DOCK3: variants seen among roughly 807,000 people sequenced by gnomAD.
DOCK3 encodes the protein dedicator of cytokinesis protein 3.
DOCK3 carries 60 observed loss-of-function variants against 265.6 expected under a neutral mutation model. The observed-to-expected ratio is 0.23, with a 90% CI of 0.18 to 0.28. The LOEUF is 0.28. Among genes scored for constraint, DOCK3 ranks in the 10% least tolerant of loss-of-function variants. DOCK3 has a pLI of 1.00. For synonymous variants in DOCK3, 881 were observed against 938.0 expected (o/e 0.94, Z 1.11); for missense variants, 1,981 against 2,594.3 (o/e 0.76, Z 5.14).
intron 52 of DOCK3, among the ~76,000 whole-genome samples, chr3:51,380,603 A>G (rs1553618234): frequency 6.6e-6 from 1 of 152,230 alleles, no homozygotes; most frequent in African/African-American, 2.4e-5. Context: ...CTTTATGAAA[A>G]ACTCAGGAGA....
intron 4 of DOCK3, among the ~76,000 whole-genome samples, chr3:50,897,827 C>T (rs1216457099): frequency 8.8e-5 from 10 of 113,540 alleles, no homozygotes; most frequent in Admixed American, 8.1e-4. Context: ...GGGATGAAGC[C>T]GACTTGATCA....
chr3:50,747,878 G>A (rs1373708803), intron 1 of DOCK3, among the ~76,000 whole-genome samples: 1 of 151,868 alleles, frequency 6.6e-6, no homozygotes, highest in Non-Finnish European at 1.5e-5. Flanking sequence ...AAAAAAGGGG[G>A]GGGGTATTGT....
chr3:50,973,122 T>A (rs1447624661), intron 5 of DOCK3, among the ~76,000 whole-genome samples: 5 of 141,832 alleles, frequency 3.5e-5, no homozygotes, highest in Non-Finnish European at 7.7e-5. Flanking sequence ...TTTTTTTTTT[T>A]GTAGTTTTCT....
intron 17 of DOCK3, 65 bp from the exon 18 acceptor site, chr3:51,228,596 C>G: frequency 1.3e-6 from 2 of 1,536,822 alleles, no homozygotes; most frequent in African/African-American, 1.4e-5. Flanking sequence ...CCAGAAATTC[C>G]TAGGACCTGG....
chr3:51,178,443 C>T (rs1205501906), intron 12 of DOCK3, among the ~76,000 whole-genome samples: 2 of 152,150 alleles, frequency 1.3e-5, no homozygotes, highest in African/African-American at 2.4e-5. Flanking sequence ...TCTTTGCTAC[C>T]CCATTAAATT....
Position 51,226,206 on chromosome 3 carries a change from G to A in DOCK3, c.1377+433G>A, listed in dbSNP as rs182118542. Among the ~76,000 whole-genome samples the A allele has an allele frequency of 8.5e-5, 13 of 152,292 alleles. No homozygotes were observed. The South Asian group carries it at 1.2e-3, about 15-fold the overall frequency. The stretch of plus-strand genomic sequence containing the variant: ...ATCACTTCCTGGTACCAAGTTATAG[G>A]ACAAAGAACAGCAGACTCAGGCCGT... On this transcript the variant is annotated intron_variant, in intron 15 of 52. Coordinates refer to ENST00000266037, the MANE Select transcript of DOCK3 (RefSeq NM_004947.5).
chr3:51,061,083 G>A (rs57376071), intron 5 of DOCK3, among the ~76,000 whole-genome samples: 8,666 of 152,174 alleles, frequency 0.057, 873 homozygotes, highest in African/African-American at 0.2. Flanking sequence ...AGAGGATGTG[G>A]AGAAATAGGA....
chr3:51,297,316 A>G (rs189699931), intron 27 of DOCK3, among the ~76,000 whole-genome samples: 2 of 152,288 alleles, frequency 1.3e-5, no homozygotes, highest in African/African-American at 4.8e-5. Flanking sequence ...AGTGCAAACA[A>G]CAAAAGAAAA....
intron 6 of DOCK3, among the ~76,000 whole-genome samples, chr3:51,067,478 G>A (rs2081643466): frequency 7.0e-6 from 1 of 142,736 alleles, no homozygotes; most frequent in Admixed American, 7.2e-5. Context: ...GGAGGGGTAT[G>A]TATATGCATA....
At chr3:50,876,841 A>G (rs1287105174) in intron 3 of DOCK3, 1 of 152,694 alleles carries the variant, frequency 6.5e-6, no homozygotes, top group Non-Finnish European at 1.5e-5. Flanking sequence ...GGCTGCAAGA[A>G]CCTCTAGGTC....
intron 41 of DOCK3, 136 bp downstream of exon 41, chr3:51,355,159 C>A: frequency 8.0e-7 from 1 of 1,249,812 alleles, no homozygotes; most frequent in Non-Finnish European, 1.1e-6. Context: ...AGTGTGTCCT[C>A]ATTGCTTAGC....
At chr3:51,257,469 G>A (rs1576567285) in intron 22 of DOCK3, among the ~76,000 whole-genome samples, 1 of 152,140 alleles carries the variant, frequency 6.6e-6, no homozygotes, top group African/African-American at 2.4e-5. Flanking sequence ...AAAATAAAAA[G>A]TTTATTATTT....
At chr3:50,704,773 G>A (rs1379792720) in intron 1 of DOCK3, among the ~76,000 whole-genome samples, 2 of 151,966 alleles carry the variant, frequency 1.3e-5, no homozygotes, top group Non-Finnish European at 2.9e-5. Flanking sequence ...TTACAGGCAT[G>A]TGCCATGACG....
intron 18 of DOCK3, 129 bp from the exon 19 acceptor site, chr3:51,229,382 CG>C: frequency 2.0e-6 from 1 of 501,758 alleles, no homozygotes. Flanking sequence ...ATTCGGGAGG[CG>C]GAGGTTGCAG....
intron 4 of DOCK3, among the ~76,000 whole-genome samples, chr3:50,924,786 A>G (rs1197162656): frequency 6.6e-6 from 1 of 152,206 alleles, no homozygotes; most frequent in Admixed American, 6.5e-5. Flanking sequence ...TATAGCTGCT[A>G]TTTCTTTCAC....
At chr3:51,341,110 T>A in intron 37 of DOCK3, 127 bp from the exon 38 acceptor site, 1 of 1,166,170 alleles carries the variant, frequency 8.6e-7, no homozygotes, top group Non-Finnish European at 1.2e-6. Context: ...TAGTATCCAG[T>A]GTCCCCGACC....
intron 12 of DOCK3, among the ~76,000 whole-genome samples, chr3:51,173,976 C>T (rs1390125333): frequency 2.0e-5 from 3 of 152,008 alleles, no homozygotes; most frequent in Non-Finnish European, 2.9e-5. Context: ...ATGCTTTATT[C>T]ACTCTTTTCT....
intron 14 of DOCK3, among the ~76,000 whole-genome samples, chr3:51,220,982 G>A (rs577268491): frequency 1.3e-3 from 195 of 151,950 alleles, no homozygotes; most frequent in Non-Finnish European, 2.3e-3. Context: ...GCCTGAGCTG[G>A]ACTTCAGAGG....
chr3:51,062,640 CT>C (rs1288800851), intron 5 of DOCK3, among the ~76,000 whole-genome samples: 3 of 152,196 alleles, frequency 2.0e-5, no homozygotes, highest in Non-Finnish European at 4.4e-5. Context: ...AGAGCAGGGA[CT>C]TTTGATCACA....
Sources: allele counts gnomAD v4.1 joint callset (sites outside exome capture counted in the v4.1 genomes callset), GRCh38; gene constraint gnomAD v4.1.1; transcripts MANE v1.5; gene names NCBI Gene and HGNC (gene_info 2026-07-23, HGNC 2026-07-21).